ATF7IP: variants seen among roughly 807,000 people sequenced by gnomAD.
The protein encoded by ATF7IP is activating transcription factor 7-interacting protein 1.
ATF7IP carries 23 observed loss-of-function variants against 106.4 expected under a neutral mutation model. The ratio of observed to expected loss-of-function variants is 0.22; its 90% CI spans 0.16 to 0.31. The LOEUF is 0.31. Among genes scored for constraint, ATF7IP ranks in the 10% least tolerant of loss-of-function variants. The probability of loss-of-function intolerance (pLI) is 1.00; values close to 1 mark genes in which losing one functional copy is unlikely to be tolerated. For synonymous variants in ATF7IP, 542 were observed against 539.0 expected, an observed-to-expected ratio of 1.01 and a Z score of -0.08; for missense variants, 1,334 against 1,524.3, an observed-to-expected ratio of 0.88 and a Z score of 2.08.
chr12:14,425,563 A>G, intron 2 of ATF7IP, 90 bp downstream of exon 2: 2 of 1,327,144 alleles, frequency 1.5e-6, no homozygotes. Flanking sequence ...AATTTATTTT[A>G]GCTGCAGAGA....
intron 13 of ATF7IP, among the ~76,000 whole-genome samples, chr12:14,495,772 T>A (rs1034250245): frequency 5.9e-5 from 9 of 152,198 alleles, no homozygotes; most frequent in African/African-American, 2.2e-4. Flanking sequence ...GAGATTTTTA[T>A]GAAGATACTC....
chr12:14,489,603 C>G, intron 13 of ATF7IP, among the ~76,000 whole-genome samples: 1 of 152,158 alleles, frequency 6.6e-6, no homozygotes, highest in East Asian at 1.9e-4. Context: ...GACGCTGATT[C>G]AGAGCATACA....
Position 14,458,053 on chromosome 12 carries a change from G to A in ATF7IP, c.2158+758G>A, listed in dbSNP as rs895373878. On this transcript the variant is annotated intron_variant, in intron 8 of 14. Coordinates refer to ENST00000261168, the MANE Select transcript of ATF7IP (RefSeq NM_018179.5). ...GGAGTTTGCGGTGAGCCGAGATCAC[G>A]CCACTGCACCCCAGCCTGGGCAACA... is the stretch of plus-strand genomic sequence containing the variant. Among the ~76,000 whole-genome samples, 6 of 151,666 alleles carry A rather than the reference G, an allele frequency of 4.0e-5. No individual in the cohort carries two copies. In the South Asian group the frequency reaches 1.0e-3, roughly 26 times the overall value.
chr12:14,436,273 AT>A lies in ATF7IP; in HGVS notation c.1791+23del. ...AAAGGTATTGTGTCAATTATAAGTT[AT>A]AAACCATATTGAATAAATAGCACCA... On this transcript the variant is annotated intron_variant, in intron 4 of 14. Coordinates refer to ENST00000261168, the MANE Select transcript of ATF7IP (RefSeq NM_018179.5). 1.9e-6 allele frequency: 3 copies of A among 1,594,736 alleles called. No homozygotes were observed. The South Asian group carries it at 3.3e-5, about 18-fold the overall frequency.
At chr12:14,476,184 G>A in intron 11 of ATF7IP, 1 of 422,108 alleles carries the variant, frequency 2.4e-6, no homozygotes, top group Non-Finnish European at 4.2e-6. Context: ...CAAGGCAGGA[G>A]GATCGAGGCA....
chr12:14,437,907 G>T (rs992648585), intron 4 of ATF7IP, among the ~76,000 whole-genome samples: 3 of 151,902 alleles, frequency 2.0e-5, no homozygotes, highest in African/African-American at 7.3e-5. Context: ...CAAAAAATTA[G>T]CCGGGCGTAG....
chr12:14,413,686 G>T (rs7968743), intron 1 of ATF7IP, among the ~76,000 whole-genome samples: 9,771 of 152,028 alleles, frequency 0.064, 692 homozygotes, highest in African/African-American at 0.18. Flanking sequence ...AATGAGAAAA[G>T]GATATGTTTT....
chr12:14,430,324 T>C (rs1264356628), intron 2 of ATF7IP, among the ~76,000 whole-genome samples: 1 of 152,224 alleles, frequency 6.6e-6, no homozygotes, highest in Non-Finnish European at 1.5e-5. Flanking sequence ...TGGTGACTTT[T>C]ACCAAGGGGC....
intron 1 of ATF7IP, chr12:14,420,102 A>G (rs1941417336): frequency 6.6e-6 from 1 of 152,214 alleles, no homozygotes; most frequent in African/African-American, 2.4e-5. Context: ...GGAGGAAATA[A>G]TGTTCACTAT....
chr12:14,389,096 T>C (rs1042055927), intron 1 of ATF7IP, among the ~76,000 whole-genome samples: 6 of 152,256 alleles, frequency 3.9e-5, no homozygotes, highest in Admixed American at 1.3e-4. Context: ...TTCTCAGTAA[T>C]ATCCAAATGC....
intron 13 of ATF7IP, among the ~76,000 whole-genome samples, chr12:14,493,506 TCAGA>T (rs1179047173): frequency 6.6e-6 from 1 of 152,158 alleles, no homozygotes; most frequent in Non-Finnish European, 1.5e-5. Context: ...CTTTATTTCT[TCAGA>T]CAAAGTTGGA....
At chr12:14,378,899 A>C (rs766385464) in intron 1 of ATF7IP, among the ~76,000 whole-genome samples, 1 of 152,206 alleles carries the variant, frequency 6.6e-6, no homozygotes, top group Non-Finnish European at 1.5e-5. Context: ...TATAAGACAC[A>C]ATTCCTCAGG....
At chr12:14,439,840 A>AATCC (rs34509750) in intron 5 of ATF7IP, among the ~76,000 whole-genome samples, 19,434 of 148,466 alleles carry the variant, frequency 0.13, 1,339 homozygotes, top group Non-Finnish European at 0.15. Flanking sequence ...CTCCAAAATA[A>AATCC]ATCCATCCAT....
At chr12:14,455,346 C>T (rs1194937280) in intron 6 of ATF7IP, among the ~76,000 whole-genome samples, 1 of 152,000 alleles carries the variant, frequency 6.6e-6, no homozygotes, top group African/African-American at 2.4e-5. Flanking sequence ...TTTTAAGCAC[C>T]TTTATAGCAG....
chr12:14,485,994 G>A lies in ATF7IP; in HGVS notation c.3280+4809G>A, dbSNP rs188386822. 8.5e-5 allele frequency among the ~76,000 whole-genome samples: 13 copies of A among 152,276 alleles called. No individual in the cohort carries two copies. In the East Asian group the frequency reaches 2.5e-3, roughly 29 times the overall value. On this transcript the variant is annotated intron_variant, in intron 13 of 14. Coordinates refer to ENST00000261168, the MANE Select transcript of ATF7IP (RefSeq NM_018179.5). ...CCTCCAGGTATGGGATATAGTTTTTGATTTACTATTTTTTAGAGGCAGCTC... is the reference window on the plus strand; with the variant it reads ...CCTCCAGGTATGGGATATAGTTTTTAATTTACTATTTTTTAGAGGCAGCTC...
At chr12:14,421,813 G>GCATCATGAAA in intron 1 of ATF7IP, among the ~76,000 whole-genome samples, 1 of 152,124 alleles carries the variant, frequency 6.6e-6, no homozygotes, top group Non-Finnish European at 1.5e-5. Flanking sequence ...ATGAAATAAA[G>GCATCATGAAA]TCAGAATGCA....
intron 9 of ATF7IP, among the ~76,000 whole-genome samples, chr12:14,465,851 G>A (rs907842196): frequency 1.3e-5 from 2 of 152,090 alleles, no homozygotes; most frequent in South Asian, 4.1e-4. Context: ...AGGATGGGCT[G>A]TTTCAACATT....
chr12:14,476,586 G>A (rs1944271716), intron 11 of ATF7IP, among the ~76,000 whole-genome samples: 1 of 151,958 alleles, frequency 6.6e-6, no homozygotes, highest in African/African-American at 2.4e-5. Context: ...TTTTAGACTT[G>A]AGGAAACTTG....
chr12:14,441,671 A>G (rs1217793537), intron 5 of ATF7IP, among the ~76,000 whole-genome samples: 5 of 151,694 alleles, frequency 3.3e-5, no homozygotes, highest in Non-Finnish European at 7.4e-5. Flanking sequence ...TTGTATTTTT[A>G]GTAGAGATGG....
Sources: gnomAD v4.1 joint callset for allele counts (sites outside exome capture counted in the v4.1 genomes callset) on GRCh38, gnomAD v4.1.1 for gene constraint, MANE v1.5 for transcripts, NCBI Gene and HGNC (gene_info 2026-07-23, HGNC 2026-07-21) for gene names.